Variants in HIVEP1 observed in about 807,000 individuals in gnomAD.
The protein encoded by HIVEP1 is HIVEP zinc finger 1.
A neutral mutation model predicts 180.0 loss-of-function variants in HIVEP1; 36 were observed. The ratio of observed to expected loss-of-function variants is 0.20; its 90% CI spans 0.15 to 0.26. HIVEP1 has a LOEUF of 0.26. HIVEP1 is among the 10% of genes least tolerant of loss of function. The probability of loss-of-function intolerance (pLI) is 1.00; values close to 1 mark genes in which losing one functional copy is unlikely to be tolerated. For missense variants in HIVEP1, 3,143 were observed against 3,268.7 expected (o/e 0.96, Z 0.94); for synonymous variants, 1,239 against 1,239.0 (o/e 1.00, Z 0.00).
At chr6:12,065,970 G>A (rs1202958636) in intron 2 of HIVEP1, among the ~76,000 whole-genome samples, 4 of 152,128 alleles carry the variant, frequency 2.6e-5, no homozygotes, top group African/African-American at 9.7e-5. Flanking sequence ...AAGTGCGAGG[G>A]TGCGGCTGTG....
At chr6:12,192,650 C>T in the HIVEP1 span, among the ~76,000 whole-genome samples, 6 of 152,088 alleles carry the variant, frequency 3.9e-5, no homozygotes, top group South Asian at 2.1e-4. Context: ...CATGTGAAGA[C>T]GCGCTTGCTT....
Position 12,122,877 on chromosome 6 carries a change from A to G in HIVEP1, c.3082A>G (p.Ile1028Val), listed in dbSNP as rs1757772406. 1 of 1,614,148 alleles carries G rather than the reference A, an allele frequency of 6.2e-7. No individual in the cohort carries two copies. Among genetic ancestry groups the G allele is most frequent in the Non-Finnish European group, 8.5e-7 (1 of 1,180,000 alleles). Residue 1028 changes from isoleucine to valine, a missense_variant, in exon 4 of 9, where the codon ATA becomes GTA. Physicochemically the swap from Ile to Val is conservative, Grantham distance 29 (BLOSUM62 3). Transcript: ENST00000379388. ...SSGIWEQTPQ[I>V]RKRRKMKSVG... ...CGGCATCTGGGAACAGACGCCCCAGATAAGAAAAAGGAGGAAAATGAAAAG... is the reference window on the plus strand; with the variant it reads ...CGGCATCTGGGAACAGACGCCCCAGGTAAGAAAAAGGAGGAAAATGAAAAG...
At chr6:12,207,391 G>A in the HIVEP1 span, among the ~76,000 whole-genome samples, 2,767 of 152,114 alleles carry the variant, frequency 0.018, 32 homozygotes, top group Non-Finnish European at 0.027. Flanking sequence ...TAATTTTCAT[G>A]ATCACACAAT....
At chr6:12,142,476 AGAG>A (rs1561994896) in intron 7 of HIVEP1, among the ~76,000 whole-genome samples, 1 of 152,222 alleles carries the variant, frequency 6.6e-6, no homozygotes, top group African/African-American at 2.4e-5. Context: ...TAAAGGAACT[AGAG>A]AAGCAAGAGC....
At chr6:12,015,211 A>G (rs532512788) in intron 1 of HIVEP1, among the ~76,000 whole-genome samples, 51 of 152,314 alleles carry the variant, frequency 3.3e-4, no homozygotes, top group Non-Finnish European at 6.9e-4. Flanking sequence ...TTTACTATAC[A>G]TGCCTAACAT....
intron 7 of HIVEP1, among the ~76,000 whole-genome samples, chr6:12,136,954 A>C (rs1230010307): frequency 2.6e-5 from 4 of 152,202 alleles, no homozygotes; most frequent in Non-Finnish European, 2.9e-5. Flanking sequence ...TGCTTGCTAT[A>C]TTTTTCTTAA....
At chr6:12,188,972 A>G in the HIVEP1 span, among the ~76,000 whole-genome samples, 1 of 151,992 alleles carries the variant, frequency 6.6e-6, no homozygotes, top group East Asian at 1.9e-4. Context: ...TTATTGACAA[A>G]TATATATCCC....
chr6:12,160,924 T>C (rs1760358089), intron 7 of HIVEP1, among the ~76,000 whole-genome samples: 1 of 152,240 alleles, frequency 6.6e-6, no homozygotes, highest in Non-Finnish European at 1.5e-5. Flanking sequence ...AAAAGTCCTT[T>C]TCTTTCCTCA....
the HIVEP1 span, among the ~76,000 whole-genome samples, chr6:12,196,549 T>G: frequency 1.3e-5 from 2 of 152,222 alleles, no homozygotes; most frequent in African/African-American, 4.8e-5. Context: ...TAACTACTCT[T>G]TTATTCTCCA....
Position 12,121,409 on chromosome 6 carries a change from A to G in HIVEP1, c.1614A>G (p.Pro538=). ...LLKSSFTPSS[P]ENVIGDFLLQ... is the part of the protein sequence containing the mutation. ...AATCAAGCTTCACTCCAAGCAGTCC[A>G]GAAAATGTGATAGGTGACTTTTTGC... The change falls in exon 4 of 9, where the codon CCA becomes CCG. Residue 538 remains proline (P), a synonymous_variant. Transcript: ENST00000379388. The surrounding 1 kb of genome is among the most constrained non-coding windows in gnomAD (Gnocchi z 5.3). The G allele has an allele frequency of 6.2e-7, 1 of 1,614,212 alleles. No homozygotes were observed. Among genetic ancestry groups the G allele is most frequent in the Non-Finnish European group, 8.5e-7 (1 of 1,180,040 alleles).
chr6:12,032,324 A>G (rs201216680), intron 2 of HIVEP1, among the ~76,000 whole-genome samples: 1 of 151,732 alleles, frequency 6.6e-6, no homozygotes, highest in East Asian at 1.9e-4. Context: ...ATTTTTTTTT[A>G]GTAGAGACAG....
intron 2 of HIVEP1, among the ~76,000 whole-genome samples, chr6:12,076,957 T>G (rs558633982): frequency 6.6e-6 from 1 of 152,232 alleles, no homozygotes; most frequent in South Asian, 2.1e-4. Context: ...GAGCATAGAT[T>G]ACCTAGAGTA....
At position 12,119,932 on chromosome 6, in the gene HIVEP1, A is replaced by C; in HGVS notation, c.137A>C (p.Lys46Thr). The change falls in exon 4 of 9, where the codon AAA becomes ACA. Residue 46 changes from lysine (K) to threonine (T), a missense_variant. This residue lies in a region of HIVEP1 where 114 missense variants were observed against 134.5 expected (regional missense o/e 0.85). Transcript: ENST00000379388. ...GTTAAAGGAACTTCGGAATCCCTTAAAGGTGTGAAACGCAAAAAGATCGTA... is the reference window on the plus strand; with the variant it reads ...GTTAAAGGAACTTCGGAATCCCTTACAGGTGTGAAACGCAAAAAGATCGTA... Reference protein sequence around the residue: ...AGVKGTSESLKGVKRKKIVAE... With the variant: ...AGVKGTSESLTGVKRKKIVAE... 1 of 1,594,420 alleles carries C rather than the reference A, an allele frequency of 6.3e-7. No homozygotes were observed. The highest frequency in any genetic ancestry group is 8.5e-7 in the Non-Finnish European group (1 of 1,174,486).
intron 2 of HIVEP1, among the ~76,000 whole-genome samples, chr6:12,018,046 A>G (rs1313246232): frequency 6.6e-6 from 1 of 152,254 alleles, no homozygotes; most frequent in Non-Finnish European, 1.5e-5. Flanking sequence ...GGCGGGCTGC[A>G]GGTCCTGAGC....
intron 2 of HIVEP1, among the ~76,000 whole-genome samples, chr6:12,086,303 A>C (rs1036183014): frequency 6.6e-6 from 1 of 152,184 alleles, no homozygotes; most frequent in African/African-American, 2.4e-5. Context: ...ATGTTAATTT[A>C]AATACAGTAA....
chr6:12,151,267 G>A (rs1251616354), intron 7 of HIVEP1, among the ~76,000 whole-genome samples: 1 of 152,138 alleles, frequency 6.6e-6, no homozygotes, highest in East Asian at 1.9e-4. Flanking sequence ...TTTATAATGA[G>A]AGGGGAATGT....
At chr6:12,043,720 C>T (rs11963070) in intron 2 of HIVEP1, among the ~76,000 whole-genome samples, 3,335 of 152,204 alleles carry the variant, frequency 0.022, 127 homozygotes, top group African/African-American at 0.076. Flanking sequence ...GTTCTTAGCT[C>T]GGTGGCACTG....
chr6:12,172,838 A>G, the HIVEP1 span, among the ~76,000 whole-genome samples: 1 of 147,106 alleles, frequency 6.8e-6, no homozygotes, highest in Non-Finnish European at 1.5e-5. Context: ...GTAATGATTT[A>G]TGATAATTGG....
chr6:12,165,247 T>G, downstream of HIVEP1: 1 of 400,942 alleles, frequency 2.5e-6, no homozygotes, highest in Non-Finnish European at 4.8e-6. Context: ...TAAGAATACT[T>G]TCTGTATATA....
Sources: gnomAD v4.1 joint callset for allele counts (sites outside exome capture counted in the v4.1 genomes callset) on GRCh38, gnomAD v4.1.1 for gene constraint, gnomAD v4.1.1 regional missense constraint, Gnocchi (gnomAD v3.1) non-coding constraint, MANE v1.5 for transcripts, NCBI Gene and HGNC (gene_info 2026-07-23, HGNC 2026-07-21) for gene names.